The following OLFM4 variants were observed in gnomAD, a reference collection of about 807,000 sequenced individuals.
The protein encoded by OLFM4 is olfactomedin 4.
Under a neutral mutation model 25.5 loss-of-function variants are expected in OLFM4, and 22 were observed. The ratio of observed to expected loss-of-function variants is 0.86; its 90% CI spans 0.62 to 1.23. The LOEUF (loss-of-function observed/expected upper bound fraction) is 1.23, where lower values mean the gene tolerates loss of function less well. OLFM4 is among the 50% of genes most tolerant of loss of function. OLFM4 has a pLI of 0.00. For synonymous variants in OLFM4, 255 were observed against 237.7 expected (o/e 1.07, Z -0.67); for missense variants, 594 against 619.4 (o/e 0.96, Z 0.44).
At chr13:53,043,495 G>T (rs370280893) in intron 4 of OLFM4, among the ~76,000 whole-genome samples, 1 of 149,794 alleles carries the variant, frequency 6.7e-6, no homozygotes, top group Non-Finnish European at 1.5e-5. Context: ...ACAATGAGTT[G>T]ATTTAAAGCA....
intron 4 of OLFM4, among the ~76,000 whole-genome samples, chr13:53,044,496 A>G (rs1954705108): frequency 6.6e-6 from 1 of 152,166 alleles, no homozygotes; most frequent in Admixed American, 6.5e-5. Context: ...TAAGGCTTCA[A>G]TTATTAAATA....
chr13:53,045,205 C>G (rs774971673), intron 4 of OLFM4, among the ~76,000 whole-genome samples: 6 of 152,034 alleles, frequency 3.9e-5, no homozygotes, highest in African/African-American at 1.4e-4. Flanking sequence ...AACAAGTGAG[C>G]CTGTTGGGTT....
chr13:53,049,671 G>C lies in OLFM4; in HGVS notation c.731-298G>C, dbSNP rs73480925. ...CACCAAGTCTCCCTTTCCTCTCTCT[G>C]GGCCTCCAAACTTTTTAAATATAGT... On this transcript the variant is annotated intron_variant, in intron 4 of 4. Coordinates refer to ENST00000219022, the MANE Select transcript of OLFM4 (RefSeq NM_006418.5). 4.1e-3 allele frequency among the ~76,000 whole-genome samples: 624 copies of C among 152,244 alleles called. 2 individuals are homozygous for C. Among genetic ancestry groups the C allele is most frequent in the African/African-American group, 0.014 (582 of 41,556 alleles).
At chr13:53,029,358 TAAA>T (rs965092721) in intron 1 of OLFM4, among the ~76,000 whole-genome samples, 1 of 152,062 alleles carries the variant, frequency 6.6e-6, no homozygotes, top group Non-Finnish European at 1.5e-5. Flanking sequence ...GTTCTGTACT[TAAA>T]AAAATCCTAC....
Position 53,034,455 on chromosome 13 carries a change from C to A in OLFM4, c.312C>A (p.Phe104Leu), listed in dbSNP as rs771999301. 6 of 1,614,034 alleles carry A rather than the reference C, an allele frequency of 3.7e-6. No individual in the cohort carries two copies. The highest frequency in any genetic ancestry group is 5.1e-6 in the Non-Finnish European group (6 of 1,179,980). ...TGGACAGAGTGGAACGCTTGGAATT[C>A]ACAGCTCATGTTCTTTCTCAGAAGT... is the stretch of plus-strand genomic sequence containing the variant. ...FPVDRVERLEFTAHVLSQKFE... is the reference protein window; with the variant it reads ...FPVDRVERLELTAHVLSQKFE... Residue 104 changes from phenylalanine to leucine, a missense_variant, in exon 2 of 5, where the codon TTC (phenylalanine) becomes TTA (leucine). Physicochemically the swap from Phe to Leu is conservative, Grantham distance 22 (BLOSUM62 0). Coordinates refer to ENST00000219022, the MANE Select transcript of OLFM4 (RefSeq NM_006418.5).
chr13:53,035,249 G>A (rs1593478266), intron 2 of OLFM4, among the ~76,000 whole-genome samples: 1 of 151,340 alleles, frequency 6.6e-6, no homozygotes, highest in East Asian at 1.9e-4. Flanking sequence ...ACAATAAGTT[G>A]TAGTCTCTTT....
chr13:53,048,329 A>C (rs1954726181), intron 4 of OLFM4, among the ~76,000 whole-genome samples: 1 of 152,190 alleles, frequency 6.6e-6, no homozygotes, highest in Non-Finnish European at 1.5e-5. Context: ...TGTTCTGCTT[A>C]ATGATATGCA....
intron 2 of OLFM4, among the ~76,000 whole-genome samples, chr13:53,036,092 G>T (rs1954656896): frequency 6.6e-6 from 1 of 152,156 alleles, no homozygotes; most frequent in South Asian, 2.1e-4. Flanking sequence ...CAAAAATTAT[G>T]ATGAGGCTGA....
chr13:53,030,599 C>T (rs1872647927), intron 1 of OLFM4, among the ~76,000 whole-genome samples: 1 of 152,180 alleles, frequency 6.6e-6, no homozygotes, highest in African/African-American at 2.4e-5. Context: ...CCGCACCTGG[C>T]CTGTATTATC....
At chr13:53,030,053 A>C (rs998446673) in intron 1 of OLFM4, among the ~76,000 whole-genome samples, 1 of 152,124 alleles carries the variant, frequency 6.6e-6, no homozygotes, top group Non-Finnish European at 1.5e-5. Flanking sequence ...AGCCTCTAGG[A>C]TCTTTCCTCA....
intron 4 of OLFM4, among the ~76,000 whole-genome samples, chr13:53,047,028 C>G (rs1277523452): frequency 2.0e-5 from 3 of 152,162 alleles, no homozygotes; most frequent in Non-Finnish European, 4.4e-5. Flanking sequence ...TTTTTGCTTC[C>G]TTGGTAGTGG....
intron 4 of OLFM4, among the ~76,000 whole-genome samples, chr13:53,048,659 A>T (rs1954728292): frequency 1.3e-5 from 2 of 152,100 alleles, no homozygotes. Context: ...AATCTCAGGC[A>T]ATTCTTTGGA....
At position 53,043,161 on chromosome 13, in the gene OLFM4, C is replaced by T. The variant is rs1314254139; in HGVS notation, c.627C>T (p.Val209=). The change falls in exon 4 of 5, where the codon GTC becomes GTT. Residue 209 remains valine (V), a synonymous_variant. Coordinates refer to ENST00000219022, the MANE Select transcript of OLFM4 (RefSeq NM_006418.5). ...TTGAGACACTAGACAAAAACAATGT[C>T]CTTGCCATTCGCCGAGAAATCGTGG... ...EKLETLDKNN[V]LAIRREIVAL... 2 of 1,613,306 alleles carry T rather than the reference C, an allele frequency of 1.2e-6. No individual in the cohort carries two copies. Among genetic ancestry groups the T allele is most frequent in the Admixed American group, 1.7e-5 (1 of 59,832 alleles).
intron 1 of OLFM4, 51 bp downstream of exon 1, chr13:53,029,091 CT>C: frequency 6.2e-7 from 1 of 1,604,052 alleles, no homozygotes. Flanking sequence ...CTTCCATTTG[CT>C]TTTGGGTACC....
At chr13:53,034,320 T>C (rs537338953) in intron 1 of OLFM4, 28 bp from the exon 2 acceptor site, 1 of 1,603,948 alleles carries the variant, frequency 6.2e-7, no homozygotes, top group African/African-American at 1.3e-5. Context: ...CAGCTTGTTA[T>C]TGATGTTCAA....
chr13:53,041,089 A>G (rs1954684636), intron 2 of OLFM4, among the ~76,000 whole-genome samples: 1 of 152,188 alleles, frequency 6.6e-6, no homozygotes, highest in African/African-American at 2.4e-5. Flanking sequence ...ACTAAAAAGA[A>G]CTATTATTCA....
intron 2 of OLFM4, 36 bp downstream of exon 2, chr13:53,034,536 G>C: frequency 1.3e-6 from 2 of 1,555,214 alleles, no homozygotes; most frequent in East Asian, 2.3e-5. Flanking sequence ...TCTTGATAAA[G>C]AGAAACAAAA....
At chr13:53,030,059 C>G (rs1394897589) in intron 1 of OLFM4, among the ~76,000 whole-genome samples, 3 of 152,114 alleles carry the variant, frequency 2.0e-5, no homozygotes, top group African/African-American at 7.2e-5. Flanking sequence ...TAGGATCTTT[C>G]CTCACAGGTC....
rs566468201 is a variant in OLFM4 at position 53,029,134 on chromosome 13, G to C, written c.204+94G>C. 99 of 1,543,796 alleles carry C rather than the reference G, an allele frequency of 6.4e-5. No individual in the cohort carries two copies. The South Asian group carries it at 1.2e-3, about 18-fold the overall frequency. On this transcript the variant is annotated intron_variant, in intron 1 of 4. Coordinates refer to ENST00000219022, the MANE Select transcript of OLFM4 (RefSeq NM_006418.5). ...CAATTTCATGGATGGCTAGACCTGG[G>C]CACTCTAAAAGATTTACGACTCATT...
Sources: allele counts gnomAD v4.1 joint callset (sites outside exome capture counted in the v4.1 genomes callset), GRCh38; gene constraint gnomAD v4.1.1; transcripts MANE v1.5; gene names NCBI Gene and HGNC (gene_info 2026-07-23, HGNC 2026-07-21).